CFAP61: variants seen among roughly 807,000 people sequenced by gnomAD.
CFAP61 encodes cilia and flagella associated protein 61.
In CFAP61, 107 loss-of-function variants were observed where a neutral mutation model predicts 135.6. The observed-to-expected ratio is 0.79, with a 90% CI of 0.67 to 0.93. The LOEUF is 0.93. Ranked by LOEUF, CFAP61 falls within the 40% of genes least tolerant of loss-of-function variation. The pLI is 0.00. For missense variants in CFAP61, 1,507 were observed against 1,556.2 expected, an observed-to-expected ratio of 0.97 and a Z score of 0.53; for synonymous variants, 575 against 578.5, an observed-to-expected ratio of 0.99 and a Z score of 0.09.
chr20:20,300,071 C>T, intron 25 of CFAP61, among the ~76,000 whole-genome samples: 1 of 152,136 alleles, frequency 6.6e-6, no homozygotes, highest in African/African-American at 2.4e-5. Context: ...CTCCAAGGGC[C>T]ACATTCCTGT....
chr20:20,075,406 A>C (rs578260150), intron 5 of CFAP61, 83 bp from the exon 6 acceptor site: 29 of 1,523,146 alleles, frequency 1.9e-5, no homozygotes, highest in Non-Finnish European at 2.5e-5. Flanking sequence ...AGCACAATTT[A>C]GAATGGAAAC....
chr20:20,176,500 A>G (rs1423978327), intron 13 of CFAP61, among the ~76,000 whole-genome samples: 3 of 152,308 alleles, frequency 2.0e-5, no homozygotes, highest in East Asian at 3.9e-4. Flanking sequence ...ATAGAATACT[A>G]TGATACCATG....
At chr20:20,251,332 AAC>A (rs151288479) in intron 19 of CFAP61, among the ~76,000 whole-genome samples, 6 of 149,924 alleles carry the variant, frequency 4.0e-5, no homozygotes, top group Non-Finnish European at 5.9e-5. Flanking sequence ...CATACAGATA[AAC>A]ACACACACAC....
At chr20:20,244,364 TCCGACA>T (rs2050265413) in intron 18 of CFAP61, among the ~76,000 whole-genome samples, 1 of 152,210 alleles carries the variant, frequency 6.6e-6, no homozygotes, top group Non-Finnish European at 1.5e-5. Flanking sequence ...CCATACATCC[TCCGACA>T]TCTAAGTGGA....
At chr20:20,307,822 T>G (rs1012397091) in intron 25 of CFAP61, among the ~76,000 whole-genome samples, 7 of 152,208 alleles carry the variant, frequency 4.6e-5, no homozygotes, top group African/African-American at 1.7e-4. Flanking sequence ...GAGTCGATAA[T>G]GTACCTCCCA....
intron 23 of CFAP61, 147 bp downstream of exon 23, chr20:20,289,083 A>G (rs2054810068): frequency 5.0e-6 from 3 of 599,984 alleles, no homozygotes; most frequent in Non-Finnish European, 8.7e-6. Context: ...GAAAGGGTCT[A>G]TAATTTCTGA....
intron 17 of CFAP61, among the ~76,000 whole-genome samples, chr20:20,222,395 T>C (rs1215523626): frequency 3.3e-5 from 5 of 152,190 alleles, no homozygotes; most frequent in Admixed American, 6.5e-5. Flanking sequence ...CCCTGCTACA[T>C]GATTTTGAGT....
At chr20:20,161,954 A>G (rs955977012) in intron 10 of CFAP61, among the ~76,000 whole-genome samples, 5 of 152,168 alleles carry the variant, frequency 3.3e-5, no homozygotes, top group African/African-American at 1.2e-4. Context: ...TTGGTGGCTT[A>G]TAACAACACA....
intron 6 of CFAP61, among the ~76,000 whole-genome samples, chr20:20,090,476 G>C (rs2047103331): frequency 6.6e-6 from 1 of 152,052 alleles, no homozygotes; most frequent in South Asian, 2.1e-4. Context: ...CAGATCATGA[G>C]GTCAAGAGAT....
At chr20:20,277,118 T>C (rs2053820079) in intron 21 of CFAP61, 48 bp from the exon 22 acceptor site, 2 of 1,442,574 alleles carry the variant, frequency 1.4e-6, no homozygotes, top group African/African-American at 2.8e-5. Context: ...GACTAAGGTT[T>C]TTTGGTTTTC....
intron 26 of CFAP61, 29 bp from the exon 27 acceptor site, chr20:20,360,181 T>C (rs930072730): frequency 1.9e-6 from 3 of 1,559,288 alleles, no homozygotes; most frequent in Non-Finnish European, 2.7e-6. Context: ...AATTAATTTC[T>C]GTATCTGGCC....
chr20:20,175,437 A>T lies in CFAP61; in HGVS notation c.1385+5977A>T, dbSNP rs370297639. Reference sequence around the variant, plus strand: ...CTAACAAGTGCACCAGTTGACTTTCATGCACGTTAAAAGTTTAAGAAGCAC... The same window carrying T: ...CTAACAAGTGCACCAGTTGACTTTCTTGCACGTTAAAAGTTTAAGAAGCAC... On this transcript the variant is annotated intron_variant, in intron 13 of 26. Transcript: ENST00000245957. Among the ~76,000 whole-genome samples, 32 of 151,668 alleles carry T rather than the reference A, an allele frequency of 2.1e-4. No homozygotes were observed. The South Asian group carries it at 6.0e-3, about 29-fold the overall frequency.
chr20:20,252,096 G>T (rs1414272767), intron 20 of CFAP61, among the ~76,000 whole-genome samples: 3 of 152,250 alleles, frequency 2.0e-5, no homozygotes, highest in Non-Finnish European at 4.4e-5. Flanking sequence ...GCATGCATTT[G>T]TGGTAAATTA....
intron 1 of CFAP61, chr20:20,056,183 G>A (rs2044319804): frequency 1.7e-6 from 1 of 584,650 alleles, no homozygotes; most frequent in African/African-American, 1.9e-5. Flanking sequence ...CTCAAAATAT[G>A]TCTCAAGACT....
rs1284653089 is a variant in CFAP61 at position 20,058,633 on chromosome 20, G to A, written c.143+1837G>A. On this transcript the variant is annotated intron_variant, in intron 2 of 26. Transcript: ENST00000245957. ...TGAGGGCTCACTCAGCCTTAGCATGGAATAGAGGGGGATAAAGTCTCTTCT... is the reference window on the plus strand; with the variant it reads ...TGAGGGCTCACTCAGCCTTAGCATGAAATAGAGGGGGATAAAGTCTCTTCT... 2.6e-5 allele frequency among the ~76,000 whole-genome samples: 4 copies of A among 152,336 alleles called. No individual in the cohort carries two copies. The East Asian group carries it at 5.8e-4, about 22-fold the overall frequency.
chr20:20,169,914 C>G (rs967392963), intron 13 of CFAP61, among the ~76,000 whole-genome samples: 1 of 152,120 alleles, frequency 6.6e-6, no homozygotes, highest in Non-Finnish European at 1.5e-5. Flanking sequence ...AAAATAGATT[C>G]TCAGGTGATT....
At chr20:20,224,555 C>T (rs985699143) in intron 17 of CFAP61, among the ~76,000 whole-genome samples, 4 of 152,012 alleles carry the variant, frequency 2.6e-5, no homozygotes, top group African/African-American at 9.7e-5. Context: ...TTTTATCTTG[C>T]TGGGTTACTG....
intron 21 of CFAP61, among the ~76,000 whole-genome samples, chr20:20,264,376 G>A (rs1182721478): frequency 1.3e-5 from 2 of 152,168 alleles, no homozygotes; most frequent in Non-Finnish European, 2.9e-5. Context: ...AACCAACTGA[G>A]TCTGGAACCT....
chr20:20,329,973 C>CTG (rs2057921964), intron 25 of CFAP61, among the ~76,000 whole-genome samples: 1 of 152,196 alleles, frequency 6.6e-6, no homozygotes, highest in African/African-American at 2.4e-5. Flanking sequence ...GTCAGAGCAC[C>CTG]TCTGGATGCT....
Sources: gnomAD v4.1 joint callset for allele counts (sites outside exome capture counted in the v4.1 genomes callset) on GRCh38, gnomAD v4.1.1 for gene constraint, MANE v1.5 for transcripts, NCBI Gene and HGNC (gene_info 2026-07-23, HGNC 2026-07-21) for gene names.